The following SLC8A1 variants were observed in gnomAD, a reference collection of about 807,000 sequenced individuals.
The protein encoded by SLC8A1 is sodium/calcium exchanger 1.
Under a neutral mutation model 68.3 loss-of-function variants are expected in SLC8A1, and 18 were observed. That is an observed-to-expected ratio of 0.26 (90% CI 0.18 to 0.39). SLC8A1 has a LOEUF of 0.39. Ranked by LOEUF, SLC8A1 falls within the 10% of genes least tolerant of loss-of-function variation. SLC8A1 has a pLI of 1.00. For missense variants in SLC8A1, 985 were observed against 1,156.7 expected (o/e 0.85, Z 2.15); for synonymous variants, 475 against 415.5 (o/e 1.14, Z -1.74).
intron 2 of SLC8A1, among the ~76,000 whole-genome samples, chr2:40,386,307 C>G (rs1231828447): frequency 1.3e-5 from 2 of 150,788 alleles, no homozygotes; most frequent in Non-Finnish European, 2.9e-5. Context: ...GTCTATTTTA[C>G]TTTCAAATGG....
intron 2 of SLC8A1, among the ~76,000 whole-genome samples, chr2:40,280,900 TAATC>T (rs1438278536): frequency 6.6e-6 from 1 of 152,226 alleles, no homozygotes; most frequent in Non-Finnish European, 1.5e-5. Flanking sequence ...CAAATAGAAT[TAATC>T]AATCTCTTTA....
At chr2:40,154,132 C>G (rs1029021299) in intron 6 of SLC8A1, among the ~76,000 whole-genome samples, 14 of 152,036 alleles carry the variant, frequency 9.2e-5, no homozygotes, top group Non-Finnish European at 1.9e-4. Flanking sequence ...TACGTAACCA[C>G]TCTGGGCCTC....
At chr2:40,178,741 A>G (rs557353225) in intron 2 of SLC8A1, among the ~76,000 whole-genome samples, 1 of 152,346 alleles carries the variant, frequency 6.6e-6, no homozygotes, top group Admixed American at 6.5e-5. Context: ...AGCATTCAGT[A>G]TTAATAGGTT....
chr2:40,236,099 G>A (rs934486968), intron 2 of SLC8A1, among the ~76,000 whole-genome samples: 5 of 152,032 alleles, frequency 3.3e-5, no homozygotes, highest in African/African-American at 1.2e-4. Context: ...GGACAGTTCT[G>A]TAGATGTCTA....
intron 4 of SLC8A1, 63 bp from the exon 8 acceptor site, chr2:40,165,047 C>T (rs2046320945): frequency 1.9e-6 from 3 of 1,601,240 alleles, no homozygotes; most frequent in Non-Finnish European, 2.6e-6. Context: ...ATCCCTGGAT[C>T]CTGCCATAAG....
At chr2:40,281,417 GC>G (rs1420446465) in intron 2 of SLC8A1, among the ~76,000 whole-genome samples, 2 of 152,174 alleles carry the variant, frequency 1.3e-5, no homozygotes, top group African/African-American at 4.8e-5. Flanking sequence ...GTTGAAAGGT[GC>G]TATAAACAGA....
At chr2:40,440,602 G>T (rs1366231015) in intron 1 of SLC8A1, among the ~76,000 whole-genome samples, 1 of 152,096 alleles carries the variant, frequency 6.6e-6, no homozygotes, top group East Asian at 1.9e-4. Context: ...TGGGAAGACA[G>T]ATGACAGATG....
chr2:40,395,298 A>AAAAG (rs1490288898), intron 2 of SLC8A1, among the ~76,000 whole-genome samples: 2 of 152,130 alleles, frequency 1.3e-5, no homozygotes, highest in Non-Finnish European at 2.9e-5. Flanking sequence ...CATTCTTTCT[A>AAAAG]GTATTAGGTA....
Position 40,428,838 on chromosome 2 carries a change from A to G in SLC8A1, c.1443T>C (p.Asp481=), listed in dbSNP as rs1329833207. Reference sequence around the variant, plus strand: ...TTTCATCCTCCTCAAAGATATCATCATCTATGATACCCACTCTGATTTCCT... The same window carrying G: ...TTTCATCCTCCTCAAAGATATCATCGTCTATGATACCCACTCTGATTTCCT... Residue 481 remains aspartate (D), a synonymous_variant, in exon 2 of 8, where the codon GAT becomes GAC. Coordinates refer to ENST00000406785, the Ensembl canonical transcript of SLC8A1. 4 of 1,613,882 alleles carry G rather than the reference A, an allele frequency of 2.5e-6. No individual in the cohort carries two copies. In the South Asian group the frequency reaches 3.3e-5, roughly 13 times the overall value.
At chr2:40,153,200 C>T (rs898784842) in intron 6 of SLC8A1, among the ~76,000 whole-genome samples, 12 of 152,206 alleles carry the variant, frequency 7.9e-5, no homozygotes, top group Admixed American at 1.3e-4. Flanking sequence ...AGCAGTTACA[C>T]GGAAAGCAAG....
Position 40,112,264 on chromosome 2 carries a change from C to G in SLC8A1, c.*2989G>C, listed in dbSNP as rs1162413040. ...GTATCACTAGTGATTAAATCAGAAA[C>G]AATTAGAAACTTTATTTGTCTGTGT... On this transcript the variant is annotated 3_prime_UTR_variant, in exon 8 of 8. Transcript: ENST00000406785. 3 of 152,314 alleles carry G rather than the reference C, an allele frequency of 2.0e-5. No homozygotes were observed. The South Asian group carries it at 6.2e-4, about 32-fold the overall frequency. 9.4% of individuals were successfully genotyped at this position (152,314 alleles called of 1,614,324 possible).
chr2:40,467,760 T>A (rs1038981328), intron 1 of SLC8A1, among the ~76,000 whole-genome samples: 1 of 152,194 alleles, frequency 6.6e-6, no homozygotes, highest in African/African-American at 2.4e-5. Flanking sequence ...TGTAACACTT[T>A]TGCATTCACT....
chr2:40,361,887 CTTTTTTTTTTTTTTTT>C (rs1172909749), intron 2 of SLC8A1, among the ~76,000 whole-genome samples: 6 of 53,104 alleles, frequency 1.1e-4, no homozygotes, highest in Admixed American at 5.3e-4. Flanking sequence ...CTTTTCTTTC[CTTTTTTTTTTTTTTTT>C]TTTTTTTTTT....
intron 2 of SLC8A1, among the ~76,000 whole-genome samples, chr2:40,308,026 A>G (rs542580608): frequency 6.6e-6 from 1 of 152,296 alleles, no homozygotes; most frequent in African/African-American, 2.4e-5. Context: ...ATGGAATGAA[A>G]TAAAATAATA....
At chr2:40,184,000 C>G (rs1016021260) in intron 2 of SLC8A1, among the ~76,000 whole-genome samples, 1 of 151,758 alleles carries the variant, frequency 6.6e-6, no homozygotes, top group Non-Finnish European at 1.5e-5. Context: ...TACGAAAAAT[C>G]AAAAAAACAA....
chr2:40,229,325 A>C (rs990572043), intron 2 of SLC8A1, among the ~76,000 whole-genome samples: 1 of 152,200 alleles, frequency 6.6e-6, no homozygotes, highest in Non-Finnish European at 1.5e-5. Flanking sequence ...CCACTGTTCA[A>C]CAGAAATATA....
exon 8 of SLC8A1, chr2:40,105,564 A>G (rs1486270036): frequency 6.6e-6 from 1 of 152,192 alleles, no homozygotes; most frequent in Non-Finnish European, 1.5e-5. Flanking sequence ...AAAGGATGCA[A>G]GTGTAGACAC....
At chr2:40,216,383 T>A (rs1218920981) in intron 2 of SLC8A1, among the ~76,000 whole-genome samples, 1 of 152,212 alleles carries the variant, frequency 6.6e-6, no homozygotes, top group African/African-American at 2.4e-5. Flanking sequence ...ATGTACCACA[T>A]TTTCTTTATC....
intron 1 of SLC8A1, among the ~76,000 whole-genome samples, chr2:40,487,222 G>T (rs10200636): frequency 6.6e-6 from 1 of 151,830 alleles, no homozygotes; most frequent in Non-Finnish European, 1.5e-5. Context: ...TTCCTGAGGA[G>T]GTAGCATGTG....
Sources: gnomAD v4.1 joint callset for allele counts (sites outside exome capture counted in the v4.1 genomes callset) on GRCh38, gnomAD v4.1.1 for gene constraint, MANE v1.5 for transcripts, NCBI Gene and HGNC (gene_info 2026-07-23, HGNC 2026-07-21) for gene names.